The following DDR2 variants were observed in gnomAD, a reference collection of about 807,000 sequenced individuals.
The protein encoded by DDR2 is discoidin domain receptor tyrosine kinase 2, also known as discoidin domain-containing receptor 2.
Under a neutral mutation model 94.9 loss-of-function variants are expected in DDR2, and 27 were observed. The observed-to-expected ratio is 0.28, with a 90% CI of 0.21 to 0.39. The LOEUF is 0.39. Among genes scored for constraint, DDR2 ranks in the 10% least tolerant of loss-of-function variants. The pLI is 1.00. For missense variants in DDR2, 783 were observed against 1,076.0 expected (o/e 0.73, Z 3.81); for synonymous variants, 382 against 377.2 (o/e 1.01, Z -0.15).
At chr1:162,730,712 G>A (rs773091019) in intron 3 of DDR2, among the ~76,000 whole-genome samples, 15 of 152,078 alleles carry the variant, frequency 9.9e-5, no homozygotes, top group African/African-American at 1.7e-4. Flanking sequence ...AAACTCCCAC[G>A]TGCTCTCTTT....
intron 2 of DDR2, among the ~76,000 whole-genome samples, chr1:162,664,605 T>C (rs922368294): frequency 1.3e-5 from 2 of 152,140 alleles, no homozygotes; most frequent in African/African-American, 2.4e-5. Flanking sequence ...CAATGTAATA[T>C]AAAGATATAC....
At position 162,773,241 on chromosome 1, in the gene DDR2, T is replaced by C. The variant is rs146392059; in HGVS notation, c.1729-228T>C. 6.1e-3 allele frequency among the ~76,000 whole-genome samples: 926 copies of C among 152,360 alleles called. 11 individuals carry two copies. The highest frequency in any genetic ancestry group is 0.021 in the African/African-American group (868 of 41,586). ...TTCATTCACTTAGTGTTCCAAGCAA[T>C]GTGTATTTCTAAGGCAGGAGAGTGG... On this transcript the variant is annotated intron_variant, in intron 13 of 17. Coordinates refer to ENST00000367921, the MANE Select transcript of DDR2 (RefSeq NM_006182.4).
chr1:162,714,112 C>T (rs1661045461), intron 2 of DDR2, among the ~76,000 whole-genome samples: 1 of 152,018 alleles, frequency 6.6e-6, no homozygotes. Context: ...CTGTTGAATG[C>T]TTTTTATTTA....
At chr1:162,771,383 G>T (rs904784553) in intron 12 of DDR2, among the ~76,000 whole-genome samples, 1 of 152,082 alleles carries the variant, frequency 6.6e-6, no homozygotes, top group Non-Finnish European at 1.5e-5. Context: ...AGCCTGAAGG[G>T]GTCTTTTCAA....
chr1:162,779,973 C>T, intron 17 of DDR2, 139 bp from the exon 18 acceptor site: 4 of 1,248,198 alleles, frequency 3.2e-6, no homozygotes, highest in Non-Finnish European at 4.6e-6. Context: ...ATGGACACTA[C>T]ACCCATTTCA....
intron 2 of DDR2, among the ~76,000 whole-genome samples, chr1:162,679,615 G>A (rs1659302035): frequency 6.6e-6 from 1 of 152,106 alleles, no homozygotes; most frequent in Non-Finnish European, 1.5e-5. Flanking sequence ...ATGAACATGT[G>A]TCTTTATGGT....
At chr1:162,748,959 A>G (rs1313748841) in intron 3 of DDR2, among the ~76,000 whole-genome samples, 1 of 152,258 alleles carries the variant, frequency 6.6e-6, no homozygotes. Context: ...GAAACCAATG[A>G]GAACAAAGAC....
chr1:162,736,975 T>A (rs1662327874), intron 3 of DDR2, among the ~76,000 whole-genome samples: 1 of 152,236 alleles, frequency 6.6e-6, no homozygotes, highest in South Asian at 2.1e-4. Context: ...TCTTCACTAT[T>A]GTGAATAGTG....
intron 1 of DDR2, among the ~76,000 whole-genome samples, chr1:162,641,391 C>T (rs1219919861): frequency 1.3e-5 from 2 of 152,174 alleles, no homozygotes; most frequent in Non-Finnish European, 2.9e-5. Context: ...CTCATTTTAG[C>T]CAAATACCAC....
chr1:162,775,881 A>G (rs1321693175), intron 15 of DDR2, 38 bp downstream of exon 15: 7 of 1,611,802 alleles, frequency 4.3e-6, no homozygotes, highest in Non-Finnish European at 5.9e-6. Context: ...CCCTGTGGTC[A>G]TGAGAGTAAC....
At chr1:162,751,682 A>G (rs1663202993) in intron 3 of DDR2, among the ~76,000 whole-genome samples, 1 of 152,234 alleles carries the variant, frequency 6.6e-6, no homozygotes, top group African/African-American at 2.4e-5. Context: ...ATGCTGCTAT[A>G]AAGACACATG....
intron 3 of DDR2, among the ~76,000 whole-genome samples, chr1:162,728,306 T>A (rs1661824707): frequency 6.6e-6 from 1 of 151,412 alleles, no homozygotes; most frequent in Non-Finnish European, 1.5e-5. Flanking sequence ...AGGTCAAATC[T>A]CCAATGTCAT....
chr1:162,761,287 G>A lies in DDR2; in HGVS notation c.932G>A (p.Ser311Asn), dbSNP rs189870832. 228 of 1,614,202 alleles carry A rather than the reference G, an allele frequency of 1.4e-4. 1 individual carries two copies. In the East Asian group the frequency reaches 4.8e-3, roughly 34 times the overall value. ...CAGTGCTACTTCCGCTCTGAAGCCA[G>A]TGAGTGGGAACCTAATGCCATTTCC... is the stretch of plus-strand genomic sequence containing the variant. ...EVQCYFRSEASEWEPNAISFP... is the reference protein window; with the variant it reads ...EVQCYFRSEANEWEPNAISFP... Residue 311 changes from serine to asparagine, a missense_variant, in exon 9 of 18, where the codon AGT (serine) becomes AAT (asparagine). Ser to Asn is a conservative substitution (Grantham distance 46, BLOSUM62 1). Coordinates refer to ENST00000367921, the MANE Select transcript of DDR2 (RefSeq NM_006182.4).
At chr1:162,652,299 C>T (rs6667476) in intron 1 of DDR2, among the ~76,000 whole-genome samples, 139,279 of 152,228 alleles carry the variant, frequency 0.91, 64,300 homozygotes, top group Middle Eastern at 0.98. Flanking sequence ...CCACACTGAC[C>T]ATGTAATTTT....
chr1:162,641,188 T>A (rs1177012781), intron 1 of DDR2, among the ~76,000 whole-genome samples: 1 of 152,218 alleles, frequency 6.6e-6, no homozygotes, highest in African/African-American at 2.4e-5. Flanking sequence ...TTTAAATCTT[T>A]CTGCATTTAA....
At chr1:162,722,162 G>A (rs558211050) in intron 3 of DDR2, among the ~76,000 whole-genome samples, 1 of 152,184 alleles carries the variant, frequency 6.6e-6, no homozygotes, top group Non-Finnish European at 1.5e-5. Context: ...AGTAGTGGTG[G>A]TATGACAGAG....
At chr1:162,729,718 GTATTTATTTATTTATTTTTATTTA>G (rs1661925123) in intron 3 of DDR2, among the ~76,000 whole-genome samples, 1 of 151,032 alleles carries the variant, frequency 6.6e-6, no homozygotes, top group African/African-American at 2.4e-5. Context: ...AGGCTTTTCT[GTATTTATTTATTTATTTTTATTTA>G]TATTTATTTA....
chr1:162,672,843 G>T, intron 2 of DDR2, among the ~76,000 whole-genome samples: 1 of 152,020 alleles, frequency 6.6e-6, no homozygotes, highest in East Asian at 1.9e-4. Flanking sequence ...GTTACCAGTG[G>T]GCATGTTCTC....
rs79048813 is a variant in DDR2, at chr1:162,673,830, T to A, written c.-28+18456T>A. ...TCCATTTCAGCCGACACATTTTACA[T>A]GTGTATCTATTTGCCTCCACTTACA... On this transcript the variant is annotated intron_variant, in intron 2 of 17. Transcript: ENST00000367921. Among the ~76,000 whole-genome samples the A allele has an allele frequency of 1.7e-3, 264 of 152,164 alleles. 5 individuals carry two copies. The East Asian group carries it at 0.04, about 23-fold the overall frequency.
Sources: gnomAD v4.1 joint callset for allele counts (sites outside exome capture counted in the v4.1 genomes callset) on GRCh38, gnomAD v4.1.1 for gene constraint, MANE v1.5 for transcripts, NCBI Gene and HGNC (gene_info 2026-07-23, HGNC 2026-07-21) for gene names.